The following NLGN4X variants were observed in gnomAD, a reference collection of about 807,000 sequenced individuals.
The protein encoded by NLGN4X is neuroligin 4 X-linked, also known as neuroligin-4, X-linked.
In NLGN4X, 3 loss-of-function variants were observed where a neutral mutation model predicts 40.3. That is an observed-to-expected ratio of 0.07 (90% CI 0.03 to 0.19). The LOEUF (loss-of-function observed/expected upper bound fraction) is 0.19. Among genes scored for constraint, NLGN4X ranks in the 10% least tolerant of loss-of-function variants. The pLI is 1.00. For synonymous variants in NLGN4X, 270 were observed against 306.8 expected (o/e 0.88, Z 1.25); for missense variants, 382 against 708.3 (o/e 0.54, Z 5.23).
rs1372803461 is a variant in NLGN4X at position 6,210,368 on chromosome X, T to C, written c.-306+18173A>G. On this transcript the variant is annotated intron_variant, in intron 1 of 5. Coordinates refer to ENST00000381095, the MANE Select transcript of NLGN4X (RefSeq NM_181332.3). ...TATCTCTGCCAGGTACTAGATAATATGAGGCTGAGGTGGGAAGATTGCTTG... is the reference window on the plus strand; with the variant it reads ...TATCTCTGCCAGGTACTAGATAATACGAGGCTGAGGTGGGAAGATTGCTTG... Among the ~76,000 whole-genome samples, 9 of 110,160 alleles carry C rather than the reference T, an allele frequency of 8.2e-5. No homozygotes were observed. In the East Asian group the frequency reaches 2.6e-3, roughly 32 times the overall value.
In NLGN4X at chrX:5,891,468, A is replaced by G. The variant is rs1268395224; in HGVS notation, c.*1349T>C. On this transcript the variant is annotated 3_prime_UTR_variant, in exon 6 of 6. Coordinates refer to ENST00000381095, the MANE Select transcript of NLGN4X (RefSeq NM_181332.3). ...GGGACCGAGTGCTTAAACAAAAAGG[A>G]AAGACACATGTCTTCCTTCAATCTG... is the stretch of plus-strand genomic sequence containing the variant. The G allele has an allele frequency of 3.0e-5, 8 of 263,100 alleles. No individual in the cohort carries two copies. The highest frequency in any genetic ancestry group is 4.9e-5 in the Non-Finnish European group (7 of 144,085). The allele number at this position is 263,100 out of a possible 1,213,427, so 21.7% of individuals were successfully genotyped here.
At chrX:6,105,028 A>G (rs1213023205) in intron 2 of NLGN4X, among the ~76,000 whole-genome samples, 1 of 110,952 alleles carries the variant, frequency 9.0e-6, no homozygotes, top group East Asian at 2.8e-4. Flanking sequence ...AGACCATTTA[A>G]TCAACATTAT....
intron 3 of NLGN4X, among the ~76,000 whole-genome samples, chrX:5,923,875 G>A (rs977216400): frequency 1.8e-5 from 2 of 111,521 alleles, no homozygotes; most frequent in Non-Finnish European, 3.8e-5. Context: ...TGTATTTAAT[G>A]ACCAATGTGA....
chrX:5,955,153 T>C (rs1045477505), intron 3 of NLGN4X, among the ~76,000 whole-genome samples: 13 of 112,374 alleles, frequency 1.2e-4, no homozygotes, highest in Admixed American at 6.6e-4. Flanking sequence ...CCTTACCATC[T>C]GGTAACACCT....
At chrX:6,214,226 C>T (rs1924866718) in intron 1 of NLGN4X, among the ~76,000 whole-genome samples, 1 of 111,764 alleles carries the variant, frequency 8.9e-6, no homozygotes, top group South Asian at 3.8e-4. Flanking sequence ...CTTAACACAT[C>T]TGCAAGTCCT....
At chrX:5,935,440 A>G (rs1365617278) in intron 3 of NLGN4X, among the ~76,000 whole-genome samples, 1 of 112,525 alleles carries the variant, frequency 8.9e-6, no homozygotes, top group African/African-American at 3.2e-5. Flanking sequence ...TTTCATTTCT[A>G]TTCAATTTTG....
intron 1 of NLGN4X, among the ~76,000 whole-genome samples, chrX:6,196,314 G>A (rs1923045493): frequency 1.8e-5 from 2 of 110,986 alleles, no homozygotes; most frequent in Admixed American, 9.5e-5. Flanking sequence ...CTACTCGGGA[G>A]GCCGAGGTGG....
chrX:6,034,626 T>A (rs1489183470), intron 2 of NLGN4X, among the ~76,000 whole-genome samples: 1 of 112,032 alleles, frequency 8.9e-6, no homozygotes, highest in African/African-American at 3.2e-5. Context: ...AAAGGGTCTC[T>A]ATTTCTCTAA....
intron 2 of NLGN4X, among the ~76,000 whole-genome samples, chrX:6,074,200 G>C (rs922078659): frequency 1.8e-5 from 2 of 111,307 alleles, no homozygotes; most frequent in African/African-American, 6.5e-5. Flanking sequence ...GAGATGCAAA[G>C]ATCCCTACAA....
chrX:5,975,607 C>T (rs1242586542), intron 3 of NLGN4X, among the ~76,000 whole-genome samples: 3 of 76,643 alleles, frequency 3.9e-5, no homozygotes, highest in African/African-American at 1.3e-4. Context: ...AGCAAGACTC[C>T]GTTTCAAAAA....
intron 3 of NLGN4X, among the ~76,000 whole-genome samples, chrX:6,005,129 T>C (rs1259076067): frequency 9.2e-6 from 1 of 109,289 alleles, no homozygotes; most frequent in Non-Finnish European, 1.9e-5. Flanking sequence ...TGTTAAAAAC[T>C]AAAACAAATT....
chrX:6,089,769 C>G (rs1481921474), intron 2 of NLGN4X, among the ~76,000 whole-genome samples: 1 of 111,938 alleles, frequency 8.9e-6, no homozygotes, highest in African/African-American at 3.2e-5. Context: ...TAGAAATAGA[C>G]CAGCATAGAA....
chrX:6,013,175 T>G (rs189037686), intron 3 of NLGN4X, among the ~76,000 whole-genome samples: 198 of 111,932 alleles, frequency 1.8e-3, no homozygotes, highest in African/African-American at 6.1e-3. Context: ...TTTTCTAAAC[T>G]ACAGGTTTCA....
chrX:6,138,941 C>T (rs191484225), intron 2 of NLGN4X, among the ~76,000 whole-genome samples: 2 of 110,817 alleles, frequency 1.8e-5, no homozygotes, highest in East Asian at 2.8e-4. Context: ...GTAGAATGTG[C>T]GATGGTGAAA....
intron 3 of NLGN4X, among the ~76,000 whole-genome samples, chrX:5,965,918 A>T (rs978933270): frequency 9.0e-6 from 1 of 111,681 alleles, no homozygotes; most frequent in Admixed American, 9.5e-5. Flanking sequence ...AAAATCCAAG[A>T]AGCAGATCTT....
At chrX:6,161,758 T>C (rs959824084) in intron 1 of NLGN4X, among the ~76,000 whole-genome samples, 1 of 110,087 alleles carries the variant, frequency 9.1e-6, no homozygotes, top group African/African-American at 3.3e-5. Flanking sequence ...AATATTTATA[T>C]ATAAATACGT....
At chrX:5,954,674 T>A in intron 3 of NLGN4X, among the ~76,000 whole-genome samples, 1 of 106,899 alleles carries the variant, frequency 9.4e-6, no homozygotes, top group Non-Finnish European at 1.9e-5. Context: ...CTGTCTCTCT[T>A]GCTCAATATT....
chrX:5,979,756 GTGTATATATACACACATACATATATA>G (rs1569166070), intron 3 of NLGN4X, among the ~76,000 whole-genome samples: 2 of 98,334 alleles, frequency 2.0e-5, no homozygotes, highest in East Asian at 6.0e-4. Flanking sequence ...ACATATATAT[GTGTATATATACACACATACATATATA>G]TGTGTATATA....
chrX:6,218,536 T>C (rs1245848922), intron 1 of NLGN4X, among the ~76,000 whole-genome samples: 3 of 110,652 alleles, frequency 2.7e-5, no homozygotes, highest in Admixed American at 1.9e-4. Flanking sequence ...GTAAAACTTA[T>C]TTGTTCTTAA....
Sources: allele counts gnomAD v4.1 joint callset (sites outside exome capture counted in the v4.1 genomes callset), GRCh38; gene constraint gnomAD v4.1.1; transcripts MANE v1.5; gene names NCBI Gene and HGNC (gene_info 2026-07-23, HGNC 2026-07-21).